PTK2: variants seen among roughly 807,000 people sequenced by gnomAD.
PTK2 encodes focal adhesion kinase 1.
In PTK2, 45 loss-of-function variants were observed where a neutral mutation model predicts 150.1. The observed-to-expected ratio is 0.30, with a 90% CI of 0.24 to 0.38. The LOEUF (loss-of-function observed/expected upper bound fraction) is 0.38. PTK2 is among the 10% of genes least tolerant of loss of function. PTK2 has a pLI of 1.00. For synonymous variants in PTK2, 432 were observed against 449.2 expected, an observed-to-expected ratio of 0.96 and a Z score of 0.48; for missense variants, 919 against 1,307.3, an observed-to-expected ratio of 0.70 and a Z score of 4.58.
rs1422650414 is a variant in PTK2 at position 140,869,952 on chromosome 8, A to AAT, written c.363-5555_363-5554dup. Among the ~76,000 whole-genome samples, 10 of 152,294 alleles carry AAT rather than the reference A, an allele frequency of 6.6e-5. No homozygotes were observed. The East Asian group carries it at 1.5e-3, about 23-fold the overall frequency. ...CATGTAGCAAAACATATATGTGTAT[A>AAT]ATATATACAATTAAATACATTAAAT... is the stretch of plus-strand genomic sequence containing the variant. On this transcript the variant is annotated intron_variant, in intron 4 of 31. Transcript: ENST00000522684.
chr8:140,837,683 C>A (rs2100119573), intron 7 of PTK2, among the ~76,000 whole-genome samples: 2 of 152,124 alleles, frequency 1.3e-5, no homozygotes, highest in Non-Finnish European at 2.9e-5. Flanking sequence ...GGGCTGAGAT[C>A]ATGCCACTGC....
intron 8 of PTK2, among the ~76,000 whole-genome samples, chr8:140,820,251 C>A (rs2100107641): frequency 6.6e-6 from 1 of 151,330 alleles, no homozygotes; most frequent in Admixed American, 6.6e-5. Context: ...CAGGTGTGCA[C>A]CACCACACCT....
intron 20 of PTK2, among the ~76,000 whole-genome samples, chr8:140,740,465 A>T (rs2100055042): frequency 6.6e-6 from 1 of 152,246 alleles, no homozygotes. Flanking sequence ...TTCTTCTGTA[A>T]GCAATGAGTT....
chr8:140,940,268 T>C (rs1358208058), intron 1 of PTK2, among the ~76,000 whole-genome samples: 1 of 152,058 alleles, frequency 6.6e-6, no homozygotes, highest in Non-Finnish European at 1.5e-5. Context: ...GGCGGGTGGA[T>C]CACCTGAAGC....
intron 14 of PTK2, among the ~76,000 whole-genome samples, chr8:140,779,652 G>A (rs2100080544): frequency 6.6e-6 from 1 of 152,144 alleles, no homozygotes; most frequent in African/African-American, 2.4e-5. Flanking sequence ...GGGAAACTGA[G>A]CAATAAAGAC....
At chr8:140,716,880 C>T (rs557496640) in intron 23 of PTK2, among the ~76,000 whole-genome samples, 6 of 152,246 alleles carry the variant, frequency 3.9e-5, no homozygotes, top group African/African-American at 1.2e-4. Context: ...AAATAGCATC[C>T]TGTCAAAAGC....
At chr8:140,692,031 G>A (rs761902783) in intron 26 of PTK2, among the ~76,000 whole-genome samples, 1 of 152,120 alleles carries the variant, frequency 6.6e-6, no homozygotes, top group African/African-American at 2.4e-5. Flanking sequence ...TTTGCCTATA[G>A]AATAAGGTAT....
chr8:140,982,878 G>T (rs1388346738), intron 1 of PTK2, among the ~76,000 whole-genome samples: 1 of 152,034 alleles, frequency 6.6e-6, no homozygotes, highest in Non-Finnish European at 1.5e-5. Context: ...AATAAACAGG[G>T]AATTCATTAC....
At chr8:140,670,748 A>C (rs1034029029) in intron 29 of PTK2, among the ~76,000 whole-genome samples, 2 of 152,122 alleles carry the variant, frequency 1.3e-5, no homozygotes, top group Non-Finnish European at 2.9e-5. Flanking sequence ...TGAGAGTCAC[A>C]GTGTGGTCTT....
chr8:140,942,740 C>T (rs759473204), intron 1 of PTK2, among the ~76,000 whole-genome samples: 3 of 152,066 alleles, frequency 2.0e-5, no homozygotes, highest in Non-Finnish European at 2.9e-5. Context: ...TGAGGCATAA[C>T]GTGCACAATA....
intron 14 of PTK2, among the ~76,000 whole-genome samples, chr8:140,781,293 T>C (rs1194328538): frequency 1.3e-5 from 2 of 152,216 alleles, no homozygotes; most frequent in Admixed American, 6.5e-5. Context: ...GTTTTAATAA[T>C]ATATTTTTTT....
intron 4 of PTK2, among the ~76,000 whole-genome samples, chr8:140,876,037 C>T (rs748780517): frequency 6.6e-6 from 1 of 152,000 alleles, no homozygotes; most frequent in Admixed American, 6.6e-5. Flanking sequence ...TTTTTTCATA[C>T]GATATTAACA....
chr8:140,754,298 T>G (rs2100064432), intron 16 of PTK2, among the ~76,000 whole-genome samples: 1 of 152,320 alleles, frequency 6.6e-6, no homozygotes, highest in East Asian at 1.9e-4. Flanking sequence ...AATGTTTGAG[T>G]TTACAACCTT....
chr8:140,767,986 A>C (rs1199028573), intron 14 of PTK2, among the ~76,000 whole-genome samples: 1 of 152,222 alleles, frequency 6.6e-6, no homozygotes, highest in African/African-American at 2.4e-5. Flanking sequence ...GGGTTAATTC[A>C]AAAGATAAGG....
At chr8:140,826,507 G>A (rs1350033741) in intron 8 of PTK2, among the ~76,000 whole-genome samples, 5 of 152,116 alleles carry the variant, frequency 3.3e-5, no homozygotes, top group Admixed American at 1.3e-4. Context: ...TCTAAGAACC[G>A]TATTTATGAG....
intron 1 of PTK2, among the ~76,000 whole-genome samples, chr8:140,962,212 C>T (rs1587640403): frequency 2.4e-5 from 1 of 42,496 alleles, no homozygotes; most frequent in Non-Finnish European, 4.9e-5. Context: ...GACTCTGTCT[C>T]AAAATTTAAA....
intron 29 of PTK2, chr8:140,674,042 C>T (rs2100012155): frequency 1.6e-6 from 1 of 608,368 alleles, no homozygotes; most frequent in Admixed American, 2.0e-5. Flanking sequence ...TGTAGAAAAT[C>T]AGAATCTGAC....
exon 3 of PTK2, chr8:140,890,604 C>T (rs1798536575): frequency 6.2e-7 from 1 of 1,613,972 alleles, no homozygotes; most frequent in African/African-American, 1.3e-5. Flanking sequence ...CTCACTATTG[C>T]TTTCAAAATA....
chr8:140,916,019 T>C (rs2100165122), intron 2 of PTK2, among the ~76,000 whole-genome samples: 1 of 152,142 alleles, frequency 6.6e-6, no homozygotes. Context: ...CAAATACTAA[T>C]AATGAGGACC....
Sources: gnomAD v4.1 joint callset for allele counts (sites outside exome capture counted in the v4.1 genomes callset) on GRCh38, gnomAD v4.1.1 for gene constraint, MANE v1.5 for transcripts, NCBI Gene and HGNC (gene_info 2026-07-23, HGNC 2026-07-21) for gene names.